Variants in PDPK1 observed in about 807,000 individuals in gnomAD.
PDPK1 encodes the protein 3-phosphoinositide dependent protein kinase 1.
PDPK1 carries 7 observed loss-of-function variants against 39.8 expected under a neutral mutation model. That is an observed-to-expected ratio of 0.18 (90% CI 0.10 to 0.33). The LOEUF (loss-of-function observed/expected upper bound fraction) is 0.33. PDPK1 is among the 10% of genes least tolerant of loss of function. The pLI is 1.00. For missense variants in PDPK1, 182 were observed against 384.7 expected (o/e 0.47, Z 4.41); for synonymous variants, 118 against 159.1 (o/e 0.74, Z 1.95).
At position 2,595,796 on chromosome 16, in the gene PDPK1, C is replaced by T. The variant is rs1422872507; in HGVS notation, c.1347C>T (p.His449=). Residue 449 remains histidine, a synonymous_variant, in exon 12 of 14, where the codon CAC becomes CAT. Transcript: ENST00000342085. ...TCTTTCTTGTTTCTTTCCACAGGCA[C>T]CAGTTTGTAGAAAATAATTTAATAC... ...LEKQAGGNPW[H]QFVENNLILK... is the part of the protein sequence containing the mutation. 4 of 1,611,820 alleles carry T rather than the reference C, an allele frequency of 2.5e-6. No individual in the cohort carries two copies. Among genetic ancestry groups the T allele is most frequent in the Admixed American group, 1.7e-5 (1 of 60,020 alleles).
intron 2 of PDPK1, among the ~76,000 whole-genome samples, chr16:2,559,974 T>TGAAATG (rs1396684821): frequency 6.6e-6 from 1 of 151,282 alleles, no homozygotes; most frequent in Admixed American, 6.6e-5. Context: ...TCAGCTTTCC[T>TGAAATG]GAAATGGAGA....
intron 1 of PDPK1, among the ~76,000 whole-genome samples, chr16:2,556,330 AC>A (rs2066493992): frequency 1.4e-5 from 2 of 138,612 alleles, no homozygotes; most frequent in African/African-American, 5.7e-5. Context: ...GAAGTGATCC[AC>A]CCACTTTGGC....
rs374175176 is a variant in PDPK1, at chr16:2,542,964, G to A, written c.24+4828G>A. Reference sequence around the variant, plus strand: ...GCTTATTTTTTGCAATAAATTCATCGTTAAAGTCCCATTCTTTAACCTGTT... The same window carrying A: ...GCTTATTTTTTGCAATAAATTCATCATTAAAGTCCCATTCTTTAACCTGTT... On this transcript the variant is annotated intron_variant, in intron 1 of 13. Coordinates refer to ENST00000342085, the MANE Select transcript of PDPK1 (RefSeq NM_002613.5). Among the ~76,000 whole-genome samples, 22 of 136,552 alleles carry A rather than the reference G, an allele frequency of 1.6e-4. No homozygotes were observed. In the South Asian group the frequency reaches 4.8e-3, roughly 30 times the overall value. 89.6% of individuals were successfully genotyped at this position (136,552 alleles called of 152,430 possible).
chr16:2,578,190 C>T (rs896121097), intron 7 of PDPK1, among the ~76,000 whole-genome samples: 20 of 146,538 alleles, frequency 1.4e-4, no homozygotes, highest in Admixed American at 6.8e-4. Flanking sequence ...AGTGGGACAG[C>T]GTCCCGCAGA....
intron 1 of PDPK1, among the ~76,000 whole-genome samples, chr16:2,553,124 G>A (rs1211443097): frequency 2.1e-5 from 3 of 144,902 alleles, no homozygotes; most frequent in South Asian, 2.1e-4. Flanking sequence ...TGTGAGGTGG[G>A]CACTGGTGTT....
chr16:2,592,507 C>G (rs1396466128), intron 11 of PDPK1: 1 of 330,186 alleles, frequency 3.0e-6, no homozygotes, highest in Admixed American at 4.4e-5. Flanking sequence ...AACCCTGTCT[C>G]TACTAAAATT....
Position 2,602,993 on chromosome 16 carries a change from G to A in PDPK1, c.*5226G>A, listed in dbSNP as rs1413399887. Reference sequence around the variant, plus strand: ...ACAGCCTTGAATGTGAATAATTATTGTAAACTATATTTTACAACTTTTTTT... The same window carrying A: ...ACAGCCTTGAATGTGAATAATTATTATAAACTATATTTTACAACTTTTTTT... On this transcript the variant is annotated 3_prime_UTR_variant, in exon 14 of 14. Transcript: ENST00000342085. 1 of 229,452 alleles carries A rather than the reference G, an allele frequency of 4.4e-6. No homozygotes were observed. Among genetic ancestry groups the A allele is most frequent in the African/African-American group, 2.2e-5 (1 of 45,066 alleles). The allele number at this position is 229,452 out of a possible 1,614,324, so 14.2% of individuals were successfully genotyped here. A position where few individuals can be genotyped will look rare whatever the true frequency, so the allele number is the denominator to read the frequency against.
intron 1 of PDPK1, among the ~76,000 whole-genome samples, chr16:2,544,610 G>A (rs1390406424): frequency 6.6e-6 from 1 of 151,606 alleles, no homozygotes; most frequent in Non-Finnish European, 1.5e-5. Flanking sequence ...TTGAGACGGA[G>A]TCTCGCTCTG....
rs2067125794 is a variant in PDPK1 at position 2,597,418 on chromosome 16, A to T, written c.1554+143A>T. On this transcript the variant is annotated intron_variant, in intron 13 of 13. Transcript: ENST00000342085. This position sits in a 1 kb window ranked among gnomAD's most constrained non-coding sequence, Gnocchi z 6.3. ...CCTTTCCGACATCCCAGACGCCCAC[A>T]CTAGTGGCTCAGTCCTGAGGGGGCA... 1 of 799,034 alleles carries T rather than the reference A, an allele frequency of 1.3e-6. No homozygotes were observed. Among genetic ancestry groups the T allele is most frequent in the African/African-American group, 1.7e-5 (1 of 58,256 alleles). 49.5% of individuals were successfully genotyped at this position (799,034 alleles called of 1,614,324 possible).
intron 11 of PDPK1, among the ~76,000 whole-genome samples, chr16:2,591,870 A>C (rs1056512996): frequency 5.9e-5 from 9 of 152,252 alleles, no homozygotes; most frequent in Non-Finnish European, 1.3e-4. Context: ...AAAATGTCTC[A>C]GTTTTAATTT....
intron 11 of PDPK1, among the ~76,000 whole-genome samples, chr16:2,588,404 G>T (rs1223516455): frequency 6.6e-6 from 1 of 152,146 alleles, no homozygotes; most frequent in Non-Finnish European, 1.5e-5. Context: ...GGGTCCCCAC[G>T]AAGGGCTGCT....
chr16:2,601,949 T>G lies in PDPK1; in HGVS notation c.*4182T>G, dbSNP rs1475804048. On this transcript the variant is annotated 3_prime_UTR_variant, in exon 14 of 14. Coordinates refer to ENST00000342085, the MANE Select transcript of PDPK1 (RefSeq NM_002613.5). The stretch of plus-strand genomic sequence containing the variant: ...CAGGGGAACGTGCAGGAGGTTTTTC[T>G]AGGCACCGTGTTCAGTGCTGCTTCA... 1.3e-5 allele frequency: 3 copies of G among 232,538 alleles called. No individual in the cohort carries two copies. The highest frequency in any genetic ancestry group is 2.6e-5 in the Non-Finnish European group (3 of 116,878). 14.4% of individuals were successfully genotyped at this position (232,538 alleles called of 1,614,324 possible). A position where few individuals can be genotyped will look rare whatever the true frequency, so the allele number is the denominator to read the frequency against.
chr16:2,553,425 A>C, intron 1 of PDPK1, among the ~76,000 whole-genome samples: 1 of 123,346 alleles, frequency 8.1e-6, no homozygotes, highest in African/African-American at 3.6e-5. Context: ...ACCACGGCTC[A>C]CTGCAGCCTC....
chr16:2,586,080 C>T (rs1022572694), intron 10 of PDPK1, among the ~76,000 whole-genome samples: 5 of 152,136 alleles, frequency 3.3e-5, no homozygotes, highest in Admixed American at 6.5e-5. Context: ...TTTCCGTTGT[C>T]GACACTAGCT....
chr16:2,538,163 C>T (rs1597008732), intron 1 of PDPK1, 27 bp downstream of exon 1: 4 of 1,051,004 alleles, frequency 3.8e-6, no homozygotes, highest in East Asian at 1.3e-4. Flanking sequence ...GGACTGGACG[C>T]GCCGGTTTGT....
At chr16:2,596,782 G>A (rs564274957) in intron 12 of PDPK1, among the ~76,000 whole-genome samples, 2 of 152,190 alleles carry the variant, frequency 1.3e-5, no homozygotes, top group East Asian at 1.9e-4. Flanking sequence ...GTTCCTGGCC[G>A]TATGTCCTCC....
Position 2,593,345 on chromosome 16 carries a change from G to A in PDPK1, c.1344-2448G>A, listed in dbSNP as rs2142003995. On this transcript the variant is annotated intron_variant, in intron 11 of 13. Coordinates refer to ENST00000342085, the MANE Select transcript of PDPK1 (RefSeq NM_002613.5). This position sits in a 1 kb window ranked among gnomAD's most constrained non-coding sequence, Gnocchi z 4.2. Reference sequence around the variant, plus strand: ...CTGTGGGGTGCAGCTGATGGCCCATGGCGGCTGTATCTGGAAGTCCTTTCC... The same window carrying A: ...CTGTGGGGTGCAGCTGATGGCCCATAGCGGCTGTATCTGGAAGTCCTTTCC... 2 of 338,434 alleles carry A rather than the reference G, an allele frequency of 5.9e-6. No individual in the cohort carries two copies. The highest frequency in any genetic ancestry group is 1.7e-4 in the East Asian group (2 of 11,538). The allele number at this position is 338,434 out of a possible 1,614,324, so 21.0% of individuals were successfully genotyped here.
chr16:2,591,460 A>G (rs1174581144), intron 11 of PDPK1, among the ~76,000 whole-genome samples: 1 of 152,230 alleles, frequency 6.6e-6, no homozygotes, highest in Non-Finnish European at 1.5e-5. Context: ...TCACATTGCA[A>G]CCGAGCTTTA....
chr16:2,590,087 G>A (rs1399388038), intron 11 of PDPK1, among the ~76,000 whole-genome samples: 1 of 152,200 alleles, frequency 6.6e-6, no homozygotes, highest in Admixed American at 6.5e-5. Context: ...TGGACCTGTC[G>A]CTTGGCCTGT....
Sources: gnomAD v4.1 joint callset for allele counts (sites outside exome capture counted in the v4.1 genomes callset) on GRCh38, gnomAD v4.1.1 for gene constraint, Gnocchi (gnomAD v3.1) non-coding constraint, MANE v1.5 for transcripts, NCBI Gene and HGNC (gene_info 2026-07-23, HGNC 2026-07-21) for gene names.